The following CCDC88C variants were observed in gnomAD, a reference collection of about 807,000 sequenced individuals.
CCDC88C encodes coiled-coil and HOOK domain protein 88C.
In CCDC88C, 131 loss-of-function variants were observed where a neutral mutation model predicts 198.8. That is an observed-to-expected ratio of 0.66 (90% confidence interval 0.57 to 0.76). CCDC88C has a LOEUF of 0.76. Ranked by LOEUF, CCDC88C falls within the 30% of genes least tolerant of loss-of-function variation. The pLI is 0.00. For synonymous variants in CCDC88C, 1,166 were observed against 1,114.7 expected, an observed-to-expected ratio of 1.05 and a Z score of -0.92; for missense variants, 2,553 against 2,631.6, an observed-to-expected ratio of 0.97 and a Z score of 0.65.
At chr14:91,415,925 C>G (rs1440410111) in intron 2 of CCDC88C, among the ~76,000 whole-genome samples, 1 of 152,126 alleles carries the variant, frequency 6.6e-6, no homozygotes, top group African/African-American at 2.4e-5. Flanking sequence ...GGTGCGCACA[C>G]GAGGCTGATC....
chr14:91,404,677 T>A (rs561731996), intron 3 of CCDC88C, among the ~76,000 whole-genome samples: 1 of 152,084 alleles, frequency 6.6e-6, no homozygotes, highest in Admixed American at 6.6e-5. Flanking sequence ...AAGTGCAGAT[T>A]CCTTGGCTGG....
intron 10 of CCDC88C, among the ~76,000 whole-genome samples, chr14:91,334,725 C>T (rs1892978071): frequency 6.6e-6 from 1 of 152,210 alleles, no homozygotes; most frequent in Non-Finnish European, 1.5e-5. Context: ...ATCGAAGTCA[C>T]CTGTGCATCA....
Position 91,339,860 on chromosome 14 carries a change from CG to C in CCDC88C, c.624+23del. ...GGCCTAAGCCCCTTCCCAGGCTGAC[CG>C]GGCCACCGACCCGCGGACGCACCTC... On this transcript the variant is annotated intron_variant, in intron 7 of 29. Coordinates refer to ENST00000389857, the MANE Select transcript of CCDC88C (RefSeq NM_001080414.4). The surrounding 1 kb of genome is among the most constrained non-coding windows in gnomAD (Gnocchi z 5.8). 1 of 1,563,820 alleles carries C rather than the reference CG, an allele frequency of 6.4e-7. No individual in the cohort carries two copies. The highest frequency in any genetic ancestry group is 8.7e-7 in the Non-Finnish European group (1 of 1,153,838).
rs530299773 is a variant in CCDC88C at position 91,395,145 on chromosome 14, G to C, written c.270+13514C>G. ...GTACGCTCAAAGGAACCCACCATTCGACCTTGTGCCTCTGCAGATGGTGAG... is the reference window on the plus strand; with the variant it reads ...GTACGCTCAAAGGAACCCACCATTCCACCTTGTGCCTCTGCAGATGGTGAG... On this transcript the variant is annotated intron_variant, in intron 3 of 29. Transcript: ENST00000389857. Among the ~76,000 whole-genome samples the C allele has an allele frequency of 3.9e-5, 6 of 152,288 alleles. No individual in the cohort carries two copies. In the South Asian group the frequency reaches 1.2e-3, roughly 32 times the overall value.
At chr14:91,320,212 A>G (rs28793366) in intron 13 of CCDC88C, among the ~76,000 whole-genome samples, 3,644 of 152,272 alleles carry the variant, frequency 0.024, 146 homozygotes, top group African/African-American at 0.083. Context: ...GGAACCAACC[A>G]TGTTATTAGA....
chr14:91,408,752 T>G lies in CCDC88C; in HGVS notation c.177A>C (p.Thr59=). ...TGACGTGCTTATTGATGCGTTGATT[T>G]GTGGGCCTGGGATCTCTAGGGGAAG... ...QIMLQIDPRP[T]NQRINKHVNN... is the part of the protein sequence containing the mutation. The change falls in exon 3 of 30, where the codon ACA becomes ACC. Residue 59 remains threonine, a synonymous_variant. Coordinates refer to ENST00000389857, the MANE Select transcript of CCDC88C (RefSeq NM_001080414.4). 1 of 1,613,350 alleles carries G rather than the reference T, an allele frequency of 6.2e-7. No individual in the cohort carries two copies. The highest frequency in any genetic ancestry group is 8.5e-7 in the Non-Finnish European group (1 of 1,179,280).
intron 3 of CCDC88C, among the ~76,000 whole-genome samples, chr14:91,376,071 G>A (rs569031150): frequency 6.6e-6 from 1 of 152,260 alleles, no homozygotes; most frequent in South Asian, 2.1e-4. Flanking sequence ...TATCTGCGGA[G>A]GAGACCTGAG....
At chr14:91,309,609 C>CAAAAA (rs376702299) in intron 16 of CCDC88C, among the ~76,000 whole-genome samples, 1 of 114,424 alleles carries the variant, frequency 8.7e-6, no homozygotes, top group Non-Finnish European at 1.8e-5. Context: ...GACCCTGTCT[C>CAAAAA]AAAAAAAAAA....
intron 3 of CCDC88C, among the ~76,000 whole-genome samples, chr14:91,388,693 C>T (rs1309019168): frequency 1.3e-5 from 2 of 152,248 alleles, no homozygotes; most frequent in Admixed American, 1.3e-4. Context: ...GATCGAAACA[C>T]TCAAACACGT....
chr14:91,320,702 TC>T (rs1358768327), intron 13 of CCDC88C, among the ~76,000 whole-genome samples: 1 of 151,986 alleles, frequency 6.6e-6, no homozygotes, highest in Non-Finnish European at 1.5e-5. Context: ...CCAGCTGGTG[TC>T]CCCCAAGAAC....
In CCDC88C at chr14:91,417,752, G is replaced by A. The variant is rs534291168; in HGVS notation, c.-62C>T. 4.5e-6 allele frequency: 6 copies of A among 1,342,730 alleles called. No individual in the cohort carries two copies. The highest frequency in any genetic ancestry group is 1.5e-5 in the African/African-American group (1 of 64,986). 83.2% of individuals were successfully genotyped at this position (1,342,730 alleles called of 1,614,324 possible). ...CCGCGTCCCCGTTCCCCCGCGCCGC[G>A]GCACAAAACGGCTCCGCAGCGAGCA... On this transcript the variant is annotated 5_prime_UTR_variant, in exon 1 of 30. Transcript: ENST00000389857.
intron 3 of CCDC88C, 59 bp from the exon 4 acceptor site, chr14:91,359,770 A>T: frequency 6.9e-7 from 1 of 1,447,674 alleles, no homozygotes; most frequent in Non-Finnish European, 9.5e-7. Context: ...ATAAAGAGGG[A>T]TTAAGTAAAT....
At position 91,289,259 on chromosome 14, in the gene CCDC88C, G is replaced by C. The variant is rs146028766; in HGVS notation, c.4287C>G (p.Thr1429=). The C allele has an allele frequency of 6.2e-7, 1 of 1,614,062 alleles. No homozygotes were observed. Among genetic ancestry groups the C allele is most frequent in the South Asian group, 1.1e-5 (1 of 91,088 alleles). ...KEGSRERLKS[T]VDSPPWQLES... ...CCAGCTGCCAGGGAGGGCTGTCCAC[G>C]GTGGATTTTAAGCGTTCCCTCGAAC... is the stretch of plus-strand genomic sequence containing the variant. The change falls in exon 25 of 30, where the codon ACC becomes ACG. Residue 1429 remains threonine, a synonymous_variant. Coordinates refer to ENST00000389857, the MANE Select transcript of CCDC88C (RefSeq NM_001080414.4).
At chr14:91,326,087 C>A (rs1282083076) in intron 10 of CCDC88C, 31 bp from the exon 11 acceptor site, 3 of 1,593,334 alleles carry the variant, frequency 1.9e-6, no homozygotes, top group Non-Finnish European at 2.6e-6. Context: ...TGAGAACCAT[C>A]AGATAAAGGC....
At chr14:91,413,931 G>A (rs937626260) in intron 2 of CCDC88C, among the ~76,000 whole-genome samples, 2 of 152,192 alleles carry the variant, frequency 1.3e-5, no homozygotes, top group African/African-American at 4.8e-5. Context: ...GGAGCTACTG[G>A]TATGGGAGAT....
intron 25 of CCDC88C, among the ~76,000 whole-genome samples, chr14:91,287,691 T>C (rs1377229466): frequency 4.1e-5 from 6 of 147,006 alleles, no homozygotes; most frequent in Non-Finnish European, 8.9e-5. Flanking sequence ...CAGGTACTTG[T>C]GAATGTGCCC....
At chr14:91,281,352 T>C (rs1464078213) in intron 27 of CCDC88C, 105 bp downstream of exon 27, 2 of 1,575,162 alleles carry the variant, frequency 1.3e-6, no homozygotes, top group Non-Finnish European at 1.7e-6. Context: ...TCCACCTTCA[T>C]TTGGTGTTGG....
chr14:91,315,866 AC>A, intron 13 of CCDC88C, 79 bp from the exon 14 acceptor site: 1 of 1,481,068 alleles, frequency 6.8e-7, no homozygotes, highest in South Asian at 1.2e-5. Context: ...AACAGAAACC[AC>A]CCCAACAGAA....
Position 91,273,163 on chromosome 14 carries a change from G to A in CCDC88C, c.5549C>T (p.Pro1850Leu). The change falls in exon 30 of 30, where the codon CCC (proline) becomes CTC (leucine). Residue 1850 changes from proline (P) to leucine (L), a missense_variant. Coordinates refer to ENST00000389857, the MANE Select transcript of CCDC88C (RefSeq NM_001080414.4). This position sits in a 1 kb window ranked among gnomAD's most constrained non-coding sequence, Gnocchi z 5.6. ...CCGGGCCAGGCTATGGGAGCTGGGG[G>A]GTGCGGGGCTTTGCAGGGTGTGGCT... ...TGSHTLQSPA[P>L]PSSHSLARER... The A allele has an allele frequency of 6.3e-7, 1 of 1,581,038 alleles. No individual in the cohort carries two copies. Among genetic ancestry groups the A allele is most frequent in the Non-Finnish European group, 8.6e-7 (1 of 1,163,850 alleles).
Sources: gnomAD v4.1 joint callset for allele counts (sites outside exome capture counted in the v4.1 genomes callset) on GRCh38, gnomAD v4.1.1 for gene constraint, Gnocchi (gnomAD v3.1) non-coding constraint, MANE v1.5 for transcripts, NCBI Gene and HGNC (gene_info 2026-07-23, HGNC 2026-07-21) for gene names.